Variants in DLGAP2 observed in about 807,000 individuals in gnomAD.
DLGAP2 encodes the protein disks large-associated protein 2.
A neutral mutation model predicts 100.3 loss-of-function variants in DLGAP2; 26 were observed. The ratio of observed to expected loss-of-function variants is 0.26; its 90% confidence interval spans 0.19 to 0.36. The LOEUF (loss-of-function observed/expected upper bound fraction) is 0.36, where lower values mean the gene tolerates loss of function less well. DLGAP2 is among the 10% of genes least tolerant of loss of function. The pLI, the probability that DLGAP2 is intolerant of heterozygous loss-of-function variation, is 1.00. For missense variants in DLGAP2, 1,858 were observed against 1,453.2 expected (o/e 1.28, Z -4.53); for synonymous variants, 886 against 630.1 (o/e 1.41, Z -6.08).
chr8:1,581,123 A>C (rs1426745463), intron 6 of DLGAP2, among the ~76,000 whole-genome samples: 152 of 108,112 alleles, frequency 1.4e-3, no homozygotes, highest in East Asian at 3.3e-3. Context: ...CAGACAAAAC[A>C]CCACACATCT....
At chr8:793,966 C>G (rs1313416509) in intron 1 of DLGAP2, among the ~76,000 whole-genome samples, 1 of 152,120 alleles carries the variant, frequency 6.6e-6, no homozygotes, top group Non-Finnish European at 1.5e-5. Context: ...CAGGCATCTG[C>G]TTGTCTTTGT....
chr8:1,392,717 G>A (rs903148453), intron 3 of DLGAP2, among the ~76,000 whole-genome samples: 7 of 152,188 alleles, frequency 4.6e-5, no homozygotes, highest in African/African-American at 1.4e-4. Flanking sequence ...GCGTTTCAGT[G>A]GAAGTGCCAG....
At chr8:926,066 G>A (rs1022334207) in intron 2 of DLGAP2, among the ~76,000 whole-genome samples, 5 of 152,130 alleles carry the variant, frequency 3.3e-5, no homozygotes, top group Admixed American at 6.5e-5. Flanking sequence ...TCAATTTTCC[G>A]TGTTCTGACG....
At chr8:1,296,191 G>T (rs113291897) in intron 3 of DLGAP2, 6 of 152,246 alleles carry the variant, frequency 3.9e-5, no homozygotes, top group African/African-American at 1.4e-4. Context: ...CGTGGCGCAG[G>T]TGGGCTGAGA....
chr8:1,454,250 G>A (rs970369006), intron 3 of DLGAP2, among the ~76,000 whole-genome samples: 9 of 152,166 alleles, frequency 5.9e-5, no homozygotes, highest in African/African-American at 1.2e-4. Context: ...CATCCACAGC[G>A]TCCCCACTTG....
intron 1 of DLGAP2, among the ~76,000 whole-genome samples, chr8:745,136 G>A (rs1399669525): frequency 6.6e-6 from 1 of 152,230 alleles, no homozygotes; most frequent in Non-Finnish European, 1.5e-5. Flanking sequence ...AAGCACAGCG[G>A]CAGGTTCTTT....
chr8:1,130,180 C>T (rs955765046), intron 2 of DLGAP2, among the ~76,000 whole-genome samples: 4 of 152,094 alleles, frequency 2.6e-5, no homozygotes, highest in African/African-American at 7.2e-5. Context: ...GCAGAGGGAC[C>T]TTCAGTTAAT....
In DLGAP2 at chr8:998,864, G is replaced by C. The variant is rs1222893031; in HGVS notation, c.73+90898G>C. 5.3e-5 allele frequency among the ~76,000 whole-genome samples: 8 copies of C among 152,154 alleles called. No individual in the cohort carries two copies. In the South Asian group the frequency reaches 6.2e-4, roughly 12 times the overall value. On this transcript the variant is annotated intron_variant, in intron 2 of 14. Transcript: ENST00000637795. Reference sequence around the variant, plus strand: ...TATTTTGGGGGAACTGGAATGTGTTGTGGCATCCCTGTCTCCAGTGCAGGG... The same window carrying C: ...TATTTTGGGGGAACTGGAATGTGTTCTGGCATCCCTGTCTCCAGTGCAGGG...
At chr8:815,686 T>G (rs993820640) in intron 1 of DLGAP2, among the ~76,000 whole-genome samples, 2 of 152,250 alleles carry the variant, frequency 1.3e-5, no homozygotes, top group African/African-American at 4.8e-5. Flanking sequence ...ATTTATTGAA[T>G]GTCTTGAATT....
At chr8:1,037,996 A>G (rs1802184742) in intron 2 of DLGAP2, among the ~76,000 whole-genome samples, 1 of 152,208 alleles carries the variant, frequency 6.6e-6, no homozygotes, top group African/African-American at 2.4e-5. Context: ...GTTGGTGTCC[A>G]TAGTGTGTAA....
intron 13 of DLGAP2, among the ~76,000 whole-genome samples, 166 bp downstream of exon 13, chr8:1,691,792 C>A (rs902774016): frequency 6.6e-6 from 1 of 152,064 alleles, no homozygotes; most frequent in African/African-American, 2.4e-5. Flanking sequence ...AGAGACGATT[C>A]GGCCCTGGTT....
intron 2 of DLGAP2, among the ~76,000 whole-genome samples, chr8:996,665 C>T (rs759967576): frequency 1.1e-4 from 17 of 152,158 alleles, no homozygotes; most frequent in Non-Finnish European, 2.1e-4. Context: ...AGTTTTCAGC[C>T]TTTAAAATAT....
intron 1 of DLGAP2, among the ~76,000 whole-genome samples, chr8:881,582 C>T (rs1188912142): frequency 6.7e-6 from 1 of 148,324 alleles, no homozygotes; most frequent in African/African-American, 2.5e-5. Flanking sequence ...TCACTGCAAC[C>T]TCCACCTCCT....
intron 6 of DLGAP2, among the ~76,000 whole-genome samples, chr8:1,618,778 A>G (rs1163866591): frequency 1.3e-5 from 2 of 152,142 alleles, no homozygotes; most frequent in Non-Finnish European, 2.9e-5. Context: ...CACCTTCAGC[A>G]TTCTTGATAT....
At chr8:1,585,955 T>C (rs1010321966) in intron 6 of DLGAP2, among the ~76,000 whole-genome samples, 3 of 152,368 alleles carry the variant, frequency 2.0e-5, no homozygotes, top group African/African-American at 2.4e-5. Flanking sequence ...TATACACATA[T>C]GGGCGTAGTT....
intron 2 of DLGAP2, among the ~76,000 whole-genome samples, chr8:1,011,276 C>A (rs1483831437): frequency 6.7e-6 from 1 of 148,682 alleles, no homozygotes; most frequent in African/African-American, 2.5e-5. Context: ...TCTCAGTCTA[C>A]ACAGTGAGCC....
At chr8:1,691,797 C>G (rs897110061) in intron 13 of DLGAP2, among the ~76,000 whole-genome samples, 171 bp downstream of exon 13, 1 of 152,086 alleles carries the variant, frequency 6.6e-6, no homozygotes. Context: ...CGATTCGGCC[C>G]TGGTTTAAAC....
chr8:822,623 A>G (rs530835755), intron 1 of DLGAP2, among the ~76,000 whole-genome samples: 1 of 152,206 alleles, frequency 6.6e-6, no homozygotes, highest in Admixed American at 6.5e-5. Flanking sequence ...TGTGACTGCA[A>G]ACTGTCCCCA....
Position 883,833 on chromosome 8 carries a change from C to G in DLGAP2, c.19-24079C>G, listed in dbSNP as rs190691642. On this transcript the variant is annotated intron_variant, in intron 1 of 14. Transcript: ENST00000637795. ...AGGCCCTGGTGTGTGTTGTTCCCCT[C>G]TCTGTGTCATTGTGTTCTCATTGTT... Among the ~76,000 whole-genome samples the G allele has an allele frequency of 2.0e-5, 3 of 152,342 alleles. No homozygotes were observed. The East Asian group carries it at 5.8e-4, about 29-fold the overall frequency.
Sources: gnomAD v4.1 joint callset for allele counts (sites outside exome capture counted in the v4.1 genomes callset) on GRCh38, gnomAD v4.1.1 for gene constraint, MANE v1.5 for transcripts, NCBI Gene and HGNC (gene_info 2026-07-23, HGNC 2026-07-21) for gene names.